Variants in MYOCD observed in about 807,000 individuals in gnomAD.
The protein encoded by MYOCD is myocardin.
A neutral mutation model predicts 96.1 loss-of-function variants in MYOCD; 32 were observed. The ratio of observed to expected loss-of-function variants is 0.33; its 90% confidence interval spans 0.25 to 0.45. The LOEUF (loss-of-function observed/expected upper bound fraction) is 0.45, where lower values mean the gene tolerates loss of function less well. Among genes scored for constraint, MYOCD ranks in the 20% least tolerant of loss-of-function variants. The pLI, the probability that MYOCD is intolerant of heterozygous loss-of-function variation, is 1.00. For missense variants in MYOCD, 1,133 were observed against 1,200.6 expected (o/e 0.94, Z 0.83); for synonymous variants, 469 against 469.0 (o/e 1.00, Z 0.00).
chr17:12,702,123 G>T (rs1252971344), intron 1 of MYOCD, among the ~76,000 whole-genome samples: 1 of 151,962 alleles, frequency 6.6e-6, no homozygotes, highest in Non-Finnish European at 1.5e-5. Flanking sequence ...AGTTATATCT[G>T]ATGTTGAGAG....
chr17:12,669,427 A>G (rs1025205350), intron 1 of MYOCD, among the ~76,000 whole-genome samples: 2 of 152,108 alleles, frequency 1.3e-5, no homozygotes, highest in African/African-American at 4.8e-5. Flanking sequence ...ACTTGACCCC[A>G]CCCCCACAAA....
chr17:12,684,775 G>C (rs566002555), intron 1 of MYOCD, among the ~76,000 whole-genome samples: 1 of 151,574 alleles, frequency 6.6e-6, no homozygotes, highest in East Asian at 2.0e-4. Flanking sequence ...GAACCTGGGA[G>C]GTGGGGGTTG....
At chr17:12,705,255 A>C in intron 2 of MYOCD, 62 bp downstream of exon 2, 2 of 1,202,920 alleles carry the variant, frequency 1.7e-6, no homozygotes, top group Non-Finnish European at 2.4e-6. Context: ...GGAGCTGGAA[A>C]GTGCCTCAGA....
intron 1 of MYOCD, among the ~76,000 whole-genome samples, chr17:12,699,768 A>T (rs999104852): frequency 6.6e-5 from 10 of 152,222 alleles, no homozygotes; most frequent in African/African-American, 2.4e-4. Flanking sequence ...TGTGCTACGG[A>T]CCCATACCCA....
rs79994050 is a variant in MYOCD, at chr17:12,743,435, G to A, written c.718-748G>A. 6.4e-3 allele frequency among the ~76,000 whole-genome samples: 963 copies of A among 149,980 alleles called. 17 individuals are homozygous for A. The highest frequency in any genetic ancestry group is 0.038 in the East Asian group (193 of 5,112). On this transcript the variant is annotated intron_variant, in intron 7 of 13. Coordinates refer to ENST00000425538, the MANE Select transcript of MYOCD (RefSeq NM_001146312.3). ...TCTTAGTTTATGTCATTAATAAGTC[G>A]ACTTATTAAGTGTTTAACTAAAAGT...
intron 2 of MYOCD, 102 bp downstream of exon 2, chr17:12,705,295 C>A (rs2031245723): frequency 2.8e-6 from 2 of 722,996 alleles, no homozygotes; most frequent in South Asian, 1.9e-5. Flanking sequence ...ATGCATTGGT[C>A]TCCGAAGATC....
intron 1 of MYOCD, among the ~76,000 whole-genome samples, chr17:12,681,118 C>T (rs544724190): frequency 6.6e-6 from 1 of 152,198 alleles, no homozygotes; most frequent in Non-Finnish European, 1.5e-5. Context: ...ATCTCATGCA[C>T]CTTTGGATTC....
chr17:12,736,382 G>A (rs375900674), intron 6 of MYOCD, 46 bp downstream of exon 6: 334 of 1,585,314 alleles, frequency 2.1e-4, no homozygotes, highest in Non-Finnish European at 2.7e-4. Context: ...CAGCATCTCA[G>A]TGTATTATCG....
At position 12,731,272 on chromosome 17, in the gene MYOCD, C is replaced by T. The variant is rs573011951; in HGVS notation, c.416-4889C>T. Among the ~76,000 whole-genome samples the T allele has an allele frequency of 3.3e-5, 5 of 152,306 alleles. No individual in the cohort carries two copies. In the South Asian group the frequency reaches 1.0e-3, roughly 32 times the overall value. Reference sequence around the variant, plus strand: ...TGACCTTTGTCCCTCTCTGCATGGGCTTGGCTTGAACCAGGAAGGAGAGGG... The same window carrying T: ...TGACCTTTGTCCCTCTCTGCATGGGTTTGGCTTGAACCAGGAAGGAGAGGG... On this transcript the variant is annotated intron_variant, in intron 5 of 13. Transcript: ENST00000425538.
intron 1 of MYOCD, among the ~76,000 whole-genome samples, chr17:12,699,874 A>G (rs941620467): frequency 1.3e-5 from 2 of 151,590 alleles, no homozygotes; most frequent in Non-Finnish European, 2.9e-5. Context: ...ACCTCTTGAA[A>G]GATAGTAATA....
chr17:12,758,178 A>T lies in MYOCD; in HGVS notation c.2296A>T (p.Thr766Ser). 6.2e-7 allele frequency: 1 copy of T among 1,614,150 alleles called. No individual in the cohort carries two copies. Among genetic ancestry groups the T allele is most frequent in the Non-Finnish European group, 8.5e-7 (1 of 1,180,024 alleles). The change falls in exon 12 of 14, where the codon ACA (threonine) becomes TCA (serine). Residue 766 changes from threonine (T) to serine (S), a missense_variant. Thr to Ser is a moderately conservative substitution (Grantham distance 58). Transcript: ENST00000425538. ...SKSSSAISEV[T>S]QPPSYEDAVK... is the part of the protein sequence containing the mutation. ...GTCAAGTTCAGCAATTTCAGAGGTA[A>T]CACAGCCTCCATCCTATGAAGATGC...
intron 1 of MYOCD, among the ~76,000 whole-genome samples, chr17:12,676,461 T>G (rs182159346): frequency 1.3e-5 from 2 of 152,302 alleles, no homozygotes; most frequent in African/African-American, 2.4e-5. Flanking sequence ...GGTGGTGAGA[T>G]TATCAGTAAT....
intron 5 of MYOCD, among the ~76,000 whole-genome samples, chr17:12,725,389 ATTAT>A (rs1373006495): frequency 2.0e-5 from 3 of 149,088 alleles, no homozygotes; most frequent in Admixed American, 6.7e-5. Flanking sequence ...TATAGTATAT[ATTAT>A]TTATGCATTA....
chr17:12,685,184 A>G (rs1429994599), intron 1 of MYOCD, among the ~76,000 whole-genome samples: 1 of 152,150 alleles, frequency 6.6e-6, no homozygotes, highest in East Asian at 1.9e-4. Flanking sequence ...CTGTAATCCC[A>G]GCTACTCAGG....
chr17:12,697,359 ATTTTTTTTT>A (rs71144918), intron 1 of MYOCD, among the ~76,000 whole-genome samples: 1 of 75,718 alleles, frequency 1.3e-5, no homozygotes, highest in Admixed American at 1.9e-4. Context: ...ATATATATAT[ATTTTTTTTT>A]TTTTTTTTTT....
chr17:12,750,367 G>A (rs1219141039), intron 9 of MYOCD, among the ~76,000 whole-genome samples: 1 of 152,084 alleles, frequency 6.6e-6, no homozygotes, highest in Admixed American at 6.6e-5. Flanking sequence ...ACTTTGAATA[G>A]CAATGTAATA....
intron 5 of MYOCD, among the ~76,000 whole-genome samples, chr17:12,735,055 G>T (rs922490841): frequency 1.1e-4 from 17 of 152,200 alleles, no homozygotes; most frequent in Admixed American, 8.5e-4. Flanking sequence ...GATGCCAGCA[G>T]TGGTGGCGAT....
intron 1 of MYOCD, among the ~76,000 whole-genome samples, chr17:12,689,524 A>AT (rs768066676): frequency 3.5e-4 from 53 of 152,224 alleles, no homozygotes; most frequent in Non-Finnish European, 1.3e-4. Context: ...AATGAATGAT[A>AT]TTAGAACAAC....
chr17:12,710,549 G>C, intron 2 of MYOCD: 1 of 980,532 alleles, frequency 1.0e-6, no homozygotes, highest in Non-Finnish European at 1.2e-6. Flanking sequence ...GTAAATCCCT[G>C]AATTTTGTGG....
Sources: allele counts gnomAD v4.1 joint callset (sites outside exome capture counted in the v4.1 genomes callset), GRCh38; gene constraint gnomAD v4.1.1; transcripts MANE v1.5; gene names NCBI Gene and HGNC (gene_info 2026-07-23, HGNC 2026-07-21).